Variants in URB1 observed in about 807,000 individuals in gnomAD.
The protein encoded by URB1 is nucleolar pre-ribosomal-associated protein 1.
In URB1, 197 loss-of-function variants were observed where a neutral mutation model predicts 242.3. The ratio of observed to expected loss-of-function variants is 0.81; its 90% CI spans 0.72 to 0.91. The LOEUF (loss-of-function observed/expected upper bound fraction) is 0.91. URB1 is among the 40% of genes least tolerant of loss of function. URB1 has a pLI of 0.00. For missense variants in URB1, 2,721 were observed against 2,860.5 expected, an observed-to-expected ratio of 0.95 and a Z score of 1.11; for synonymous variants, 1,153 against 1,201.8, an observed-to-expected ratio of 0.96 and a Z score of 0.84.
rs1568813431 is a variant in URB1, at chr21:32,334,204, T to C, written c.4816A>G (p.Ile1606Val). Residue 1606 changes from isoleucine (I) to valine (V), a missense_variant, in exon 29 of 39, where the codon ATC (isoleucine) becomes GTC (valine). Physicochemically the swap from Ile to Val is conservative, Grantham distance 29 (BLOSUM62 3). Coordinates refer to ENST00000382751, the MANE Select transcript of URB1 (RefSeq NM_014825.3). Reference protein sequence around the residue: ...LLDRDRMMQTILHFPQNRRLL... With the variant: ...LLDRDRMMQTVLHFPQNRRLL... Reference sequence around the variant, plus strand: ...CTCCGGTTCTGGGGGAAGTGCAGGATGGTCTGCATCATCCGGTCCCGGTCC... The same window carrying C: ...CTCCGGTTCTGGGGGAAGTGCAGGACGGTCTGCATCATCCGGTCCCGGTCC... The C allele has an allele frequency of 2.6e-6, 4 of 1,551,164 alleles. No homozygotes were observed. The highest frequency in any genetic ancestry group is 3.5e-6 in the Non-Finnish European group (4 of 1,146,730).
chr21:32,372,445 C>T (rs2033416007), intron 8 of URB1, 62 bp downstream of exon 8: 1 of 1,521,208 alleles, frequency 6.6e-7, no homozygotes, highest in Non-Finnish European at 8.8e-7. Context: ...TAGACACTCA[C>T]ATATGTGGTG....
intron 21 of URB1, among the ~76,000 whole-genome samples, chr21:32,348,582 T>C (rs117329391): frequency 0.016 from 2,438 of 152,248 alleles, 27 homozygotes; most frequent in Non-Finnish European, 0.024. Context: ...ACTCCACCAG[T>C]TCCCAGAGAC....
rs564147940 is a variant in URB1, at chr21:32,325,147, T to C, written c.5121+82A>G. ...ACCTCCGTGTTCCCTAGTAAATCCTTCTACCAAACCGGGTGGACAGCCAGC... is the reference window on the plus strand; with the variant it reads ...ACCTCCGTGTTCCCTAGTAAATCCTCCTACCAAACCGGGTGGACAGCCAGC... On this transcript the variant is annotated intron_variant, in intron 31 of 38. Coordinates refer to ENST00000382751, the MANE Select transcript of URB1 (RefSeq NM_014825.3). 13 of 1,455,178 alleles carry C rather than the reference T, an allele frequency of 8.9e-6. No homozygotes were observed. The East Asian group carries it at 3.3e-4, about 37-fold the overall frequency. The allele number at this position is 1,455,178 out of a possible 1,614,324, so 90.1% of individuals were successfully genotyped here. A position where few individuals can be genotyped will look rare whatever the true frequency, so the allele number is the denominator to read the frequency against.
At chr21:32,359,040 G>C (rs1460607049) in intron 14 of URB1, among the ~76,000 whole-genome samples, 11 of 152,226 alleles carry the variant, frequency 7.2e-5, no homozygotes, top group Non-Finnish European at 1.5e-4. Flanking sequence ...ACTCGAGGGA[G>C]AGACACATAG....
intron 9 of URB1, 120 bp downstream of exon 9, chr21:32,368,283 G>A: frequency 2.3e-6 from 2 of 860,102 alleles, no homozygotes; most frequent in Non-Finnish European, 3.4e-6. Context: ...GGCCAGGCTG[G>A]TCTCAAACTC....
At chr21:32,365,816 G>T (rs540271632) in intron 10 of URB1, among the ~76,000 whole-genome samples, 3 of 152,314 alleles carry the variant, frequency 2.0e-5, no homozygotes, top group African/African-American at 2.4e-5. Flanking sequence ...GCCAACTGAG[G>T]CCTGTGCAAC....
intron 30 of URB1, among the ~76,000 whole-genome samples, chr21:32,331,056 G>A (rs2032887497): frequency 6.6e-6 from 1 of 152,176 alleles, no homozygotes; most frequent in African/African-American, 2.4e-5. Flanking sequence ...GTTTAAAAAG[G>A]AGGAAAACAG....
At position 32,392,762 on chromosome 21, in the gene URB1, G is replaced by T; in HGVS notation, c.142+7C>A. ...TCCCGACCCTGCGCCTGCCGCCCCG[G>T]ACTCACCTGGCCCGGGGCCCTGCGG... On this transcript the variant is annotated splice_region_variant and intron_variant, in intron 1 of 38. Transcript: ENST00000382751. The T allele has an allele frequency of 6.9e-7, 1 of 1,451,940 alleles. No homozygotes were observed. The highest frequency in any genetic ancestry group is 2.8e-5 in the East Asian group (1 of 36,278). The allele number at this position is 1,451,940 out of a possible 1,614,324, so 89.9% of individuals were successfully genotyped here.
At chr21:32,374,990 G>C (rs1433916781) in intron 6 of URB1, among the ~76,000 whole-genome samples, 1 of 152,142 alleles carries the variant, frequency 6.6e-6, no homozygotes, top group Non-Finnish European at 1.5e-5. Context: ...GATCTTTTTA[G>C]CAAGTTTTAA....
In URB1 at chr21:32,345,567, C is replaced by A. The variant is rs1335048403; in HGVS notation, c.3877G>T (p.Ala1293Ser). The A allele has an allele frequency of 1.3e-6, 2 of 1,540,910 alleles. No individual in the cohort carries two copies. Among genetic ancestry groups the A allele is most frequent in the Admixed American group, 3.9e-5 (2 of 50,768 alleles). The change falls in exon 23 of 39, where the codon GCT becomes TCT. Residue 1293 changes from alanine (A) to serine (S), a missense_variant. Coordinates refer to ENST00000382751, the MANE Select transcript of URB1 (RefSeq NM_014825.3). ...GTCTTCCTCAAGACAGGAATGACAG[C>A]GGAAGACACTAGGGCAGAGATACAA... ...HFTRPAGVSS[A>S]VIPVLRKTLW...
intron 1 of URB1, among the ~76,000 whole-genome samples, chr21:32,392,152 G>A (rs184313430): frequency 3.9e-5 from 6 of 152,306 alleles, no homozygotes; most frequent in East Asian, 1.9e-4. Flanking sequence ...ATGGCAACAC[G>A]TTCAATTGCG....
At chr21:32,315,890 T>C (rs1297446851) in intron 38 of URB1, among the ~76,000 whole-genome samples, 1 of 152,122 alleles carries the variant, frequency 6.6e-6, no homozygotes, top group East Asian at 1.9e-4. Context: ...CACATTCCTC[T>C]GTGAAAGGAC....
chr21:32,341,776 C>T (rs1395743367), intron 24 of URB1, among the ~76,000 whole-genome samples: 1 of 152,106 alleles, frequency 6.6e-6, no homozygotes, highest in Non-Finnish European at 1.5e-5. Flanking sequence ...ATAGAATAGG[C>T]ATACAAATTT....
At chr21:32,391,989 A>G (rs1601163933) in intron 1 of URB1, among the ~76,000 whole-genome samples, 1 of 152,062 alleles carries the variant, frequency 6.6e-6, no homozygotes, top group Non-Finnish European at 1.5e-5. Context: ...GTGCCACTGC[A>G]CTTCAGCCTG....
At chr21:32,359,115 T>C (rs981838497) in intron 14 of URB1, among the ~76,000 whole-genome samples, 2 of 152,194 alleles carry the variant, frequency 1.3e-5, no homozygotes, top group African/African-American at 4.8e-5. Context: ...CAACATACAT[T>C]TCCATACTAC....
intron 12 of URB1, 115 bp from the exon 13 acceptor site, chr21:32,361,238 T>G: frequency 1.4e-6 from 1 of 697,696 alleles, no homozygotes; most frequent in African/African-American, 2.0e-5. Flanking sequence ...ACTGGTTCTT[T>G]GTCCTTGAGC....
At chr21:32,337,826 C>G (rs971488579) in intron 26 of URB1, among the ~76,000 whole-genome samples, 5 of 151,944 alleles carry the variant, frequency 3.3e-5, no homozygotes, top group East Asian at 1.9e-4. Context: ...CCCAGCCCCC[C>G]ACGTGTTTTT....
At chr21:32,338,177 G>C (rs55643158) in intron 26 of URB1, among the ~76,000 whole-genome samples, 4,839 of 152,256 alleles carry the variant, frequency 0.032, 115 homozygotes, top group Non-Finnish European at 0.045. Flanking sequence ...AGGAGGGCAG[G>C]AACCCTCGGA....
At chr21:32,359,077 T>C (rs1282517829) in intron 14 of URB1, among the ~76,000 whole-genome samples, 1 of 152,236 alleles carries the variant, frequency 6.6e-6, no homozygotes, top group African/African-American at 2.4e-5. Context: ...TTCTTAAGTC[T>C]TCCTGGAAAT....
Sources: allele counts gnomAD v4.1 joint callset (sites outside exome capture counted in the v4.1 genomes callset), GRCh38; gene constraint gnomAD v4.1.1; transcripts MANE v1.5; gene names NCBI Gene and HGNC (gene_info 2026-07-23, HGNC 2026-07-21).